WDPCP: variants seen among roughly 807,000 people sequenced by gnomAD.
The protein encoded by WDPCP is WD repeat containing planar cell polarity effector.
WDPCP carries 71 observed loss-of-function variants against 93.1 expected under a neutral mutation model. That is an observed-to-expected ratio of 0.76 (90% CI 0.63 to 0.93). The LOEUF (loss-of-function observed/expected upper bound fraction) is 0.93, where lower values mean the gene tolerates loss of function less well. WDPCP is among the 40% of genes least tolerant of loss of function. The pLI, the probability that WDPCP is intolerant of heterozygous loss-of-function variation, is 0.00. For missense variants in WDPCP, 844 were observed against 887.4 expected (o/e 0.95, Z 0.62); for synonymous variants, 315 against 315.0 (o/e 1.00, Z 0.00).
At position 63,812,121 on chromosome 2, in the gene WDPCP, T is replaced by C. The variant is rs553662015; in HGVS notation, n.308+1501A>G. Among the ~76,000 whole-genome samples the C allele has an allele frequency of 1.5e-3, 233 of 152,266 alleles. 2 individuals are homozygous for C. Among genetic ancestry groups the C allele is most frequent in the Non-Finnish European group, 2.4e-3 (160 of 68,008 alleles). On this transcript the variant is annotated intron_variant and non_coding_transcript_variant, in intron 2 of 4. Coordinates refer to the WDPCP transcript ENST00000467687. ...CTCAAATGATCCTCCTGCCTCGGCA[T>C]CCCAAAGTGTTGGGATTACAGGCAT...
intron 12 of WDPCP, among the ~76,000 whole-genome samples, chr2:63,328,978 T>C (rs1687772938): frequency 6.6e-6 from 1 of 152,186 alleles, no homozygotes; most frequent in South Asian, 2.1e-4. Flanking sequence ...CTGCTGGCCT[T>C]GGCCTCCCAA....
At chr2:63,662,977 C>G (rs534142083) in intron 2 of WDPCP, among the ~76,000 whole-genome samples, 29 of 152,204 alleles carry the variant, frequency 1.9e-4, no homozygotes, top group Non-Finnish European at 3.7e-4. Flanking sequence ...GATGCCCATG[C>G]CACTGTTGTT....
chr2:63,837,710 T>C, the WDPCP span, among the ~76,000 whole-genome samples: 1 of 152,232 alleles, frequency 6.6e-6, no homozygotes, highest in Non-Finnish European at 1.5e-5. Flanking sequence ...GCTATTATTC[T>C]TATAATTTGG....
chr2:63,354,754 T>A (rs574914966), intron 12 of WDPCP, among the ~76,000 whole-genome samples: 1 of 151,880 alleles, frequency 6.6e-6, no homozygotes, highest in Non-Finnish European at 1.5e-5. Context: ...ATATAAAACC[T>A]AACAGGTCTG....
chr2:63,135,806 A>G (rs1156711279), intron 17 of WDPCP, among the ~76,000 whole-genome samples: 1 of 152,076 alleles, frequency 6.6e-6, no homozygotes, highest in Admixed American at 6.6e-5. Flanking sequence ...ATTATGGCCT[A>G]CTGCAGCCTC....
intron 12 of WDPCP, among the ~76,000 whole-genome samples, chr2:63,367,321 T>C (rs1214810609): frequency 6.6e-6 from 1 of 152,082 alleles, no homozygotes; most frequent in Non-Finnish European, 1.5e-5. Flanking sequence ...TTATTTCAAC[T>C]GTGGGTGTAG....
At chr2:63,800,904 AT>A (rs902954004) in intron 2 of WDPCP, among the ~76,000 whole-genome samples, 7 of 152,068 alleles carry the variant, frequency 4.6e-5, no homozygotes, top group Admixed American at 6.5e-5. Flanking sequence ...AAACTTAAAA[AT>A]TAGCCAGGCA....
intron 2 of WDPCP, among the ~76,000 whole-genome samples, chr2:63,744,137 T>A (rs149741393): frequency 6.7e-4 from 102 of 152,240 alleles, no homozygotes; most frequent in Admixed American, 9.8e-4. Context: ...TCTGTTGCAG[T>A]CATAGTGTTC....
At chr2:63,432,607 G>C (rs1264673415) in intron 9 of WDPCP, among the ~76,000 whole-genome samples, 1 of 152,068 alleles carries the variant, frequency 6.6e-6, no homozygotes, top group African/African-American at 2.4e-5. Flanking sequence ...ACTAAGACAT[G>C]GTTTATGTAA....
chr2:63,180,573 T>C (rs532852743), intron 14 of WDPCP, among the ~76,000 whole-genome samples: 2 of 152,296 alleles, frequency 1.3e-5, no homozygotes, highest in South Asian at 2.1e-4. Context: ...ATTTTCTGTA[T>C]CTAGTCCTTC....
chr2:63,788,776 T>C (rs1439884440), intron 2 of WDPCP, among the ~76,000 whole-genome samples: 1 of 152,230 alleles, frequency 6.6e-6, no homozygotes, highest in African/African-American at 2.4e-5. Flanking sequence ...ATAAATTCTA[T>C]CTGCCTTGGT....
intron 2 of WDPCP, among the ~76,000 whole-genome samples, chr2:63,683,420 G>A (rs1030766037): frequency 5.3e-5 from 8 of 152,068 alleles, no homozygotes; most frequent in Non-Finnish European, 1.0e-4. Context: ...CATGCCAATG[G>A]AAACCAAAAG....
chr2:63,128,043 G>A (rs1332510670), intron 17 of WDPCP, among the ~76,000 whole-genome samples: 1 of 152,062 alleles, frequency 6.6e-6, no homozygotes, highest in African/African-American at 2.4e-5. Flanking sequence ...GGAGGCTGAG[G>A]CAGGAGAATC....
At chr2:63,648,075 T>C (rs1000340180) in intron 3 of WDPCP, among the ~76,000 whole-genome samples, 3 of 152,220 alleles carry the variant, frequency 2.0e-5, no homozygotes, top group Non-Finnish European at 2.9e-5. Flanking sequence ...AGGAACACTC[T>C]TCTGGTTAAG....
intron 15 of WDPCP, among the ~76,000 whole-genome samples, chr2:63,157,317 CT>C (rs994501394): frequency 5.3e-5 from 8 of 151,596 alleles, no homozygotes; most frequent in African/African-American, 1.4e-4. Context: ...GTTTTTTGTA[CT>C]TTTTTTTCTT....
chr2:63,564,916 T>G (rs1313170172), intron 1 of WDPCP, among the ~76,000 whole-genome samples: 1 of 152,078 alleles, frequency 6.6e-6, no homozygotes, highest in Non-Finnish European at 1.5e-5. Context: ...TTGTCAGTAT[T>G]ACAGGCGCGT....
intron 2 of WDPCP, among the ~76,000 whole-genome samples, chr2:63,694,840 T>G (rs548220554): frequency 6.6e-6 from 1 of 152,172 alleles, no homozygotes; most frequent in Non-Finnish European, 1.5e-5. Flanking sequence ...ATTTTTCACA[T>G]TTAGCCTATG....
chr2:63,688,755 C>T (rs1247730932), intron 2 of WDPCP, among the ~76,000 whole-genome samples: 2 of 151,946 alleles, frequency 1.3e-5, no homozygotes. Context: ...AATATATATA[C>T]CTACTATGTA....
intron 13 of WDPCP, among the ~76,000 whole-genome samples, chr2:63,290,357 A>T (rs1441041351): frequency 1.3e-5 from 2 of 152,006 alleles, no homozygotes. Flanking sequence ...ATATAATTCC[A>T]TTTACCCCCT....
Sources: gnomAD v4.1 joint callset for allele counts (sites outside exome capture counted in the v4.1 genomes callset) on GRCh38, gnomAD v4.1.1 for gene constraint, MANE v1.5 for transcripts, NCBI Gene and HGNC (gene_info 2026-07-23, HGNC 2026-07-21) for gene names.